Variants in STK3 observed in about 807,000 individuals in gnomAD.
The protein encoded by STK3 is serine/threonine kinase 3.
STK3 carries 41 observed loss-of-function variants against 58.0 expected under a neutral mutation model. The ratio of observed to expected loss-of-function variants is 0.71; its 90% CI spans 0.55 to 0.92. STK3 has a LOEUF of 0.92. Ranked by LOEUF, STK3 falls within the 40% of genes least tolerant of loss-of-function variation. STK3 has a pLI of 0.00. For synonymous variants in STK3, 170 were observed against 191.0 expected (o/e 0.89, Z 0.91); for missense variants, 479 against 602.7 (o/e 0.79, Z 2.15).
Position 98,702,682 on chromosome 8 carries a change from C to G in STK3, c.684+3785G>C, listed in dbSNP as rs375506277. ...GGCAGCACCACTGTTCTGGAGTGTT[C>G]CTAATTATATACAGCTAGTGGGCAG... On this transcript the variant is annotated intron_variant, in intron 6 of 10. Coordinates refer to ENST00000419617, the MANE Select transcript of STK3 (RefSeq NM_006281.4). Among the ~76,000 whole-genome samples, 3 of 152,246 alleles carry G rather than the reference C, an allele frequency of 2.0e-5. No individual in the cohort carries two copies. In the East Asian group the frequency reaches 5.8e-4, roughly 29 times the overall value.
intron 7 of STK3, among the ~76,000 whole-genome samples, chr8:98,587,667 C>T (rs1158228524): frequency 6.6e-6 from 1 of 152,110 alleles, no homozygotes; most frequent in Admixed American, 6.5e-5. Context: ...GACTTTCTGT[C>T]TCGTTGATCT....
chr8:98,399,047 T>G (rs1363977536), downstream of STK3, among the ~76,000 whole-genome samples: 2 of 152,202 alleles, frequency 1.3e-5, no homozygotes, highest in African/African-American at 4.8e-5. Flanking sequence ...AATCCAGACC[T>G]CGTCTAATGC....
intron 4 of STK3, among the ~76,000 whole-genome samples, chr8:98,746,956 C>T (rs1170004408): frequency 3.3e-5 from 5 of 152,102 alleles, no homozygotes; most frequent in South Asian, 2.1e-4. Flanking sequence ...GCTGGAGGAT[C>T]GCTTGAGCCC....
chr8:98,471,972 A>G (rs1820957409), intron 10 of STK3, among the ~76,000 whole-genome samples: 1 of 152,236 alleles, frequency 6.6e-6, no homozygotes, highest in Non-Finnish European at 1.5e-5. Context: ...ATTCTTATAT[A>G]GAGAGATTCA....
intron 1 of STK3, among the ~76,000 whole-genome samples, chr8:98,893,677 C>T (rs1163202660): frequency 6.6e-6 from 1 of 151,992 alleles, no homozygotes; most frequent in African/African-American, 2.4e-5. Context: ...TGATTTCATC[C>T]CCAAGGTTAC....
rs10955176 is a variant in STK3, at chr8:98,455,628, C to T, written c.*214G>A. The T allele has an allele frequency of 0.41, 232,225 of 572,570 alleles. 48,288 individuals are homozygous for T. Among genetic ancestry groups the T allele is most frequent in the Admixed American group, 0.54 (16,658 of 30,954 alleles). 35.5% of individuals were successfully genotyped at this position (572,570 alleles called of 1,614,324 possible). ...GCAGCTGACAGAACAAGAGAATACA[C>T]TTCTTTTGTTCTCCTCATCTTAGAG... On this transcript the variant is annotated 3_prime_UTR_variant, in exon 11 of 11. Coordinates refer to ENST00000419617, the MANE Select transcript of STK3 (RefSeq NM_006281.4).
At chr8:98,489,223 G>C (rs1253234462) in intron 10 of STK3, among the ~76,000 whole-genome samples, 1 of 151,250 alleles carries the variant, frequency 6.6e-6, no homozygotes, top group African/African-American at 2.4e-5. Context: ...CATGGAACTA[G>C]AGTTAAAAAA....
intron 3 of STK3, among the ~76,000 whole-genome samples, chr8:98,418,378 T>C (rs1818135769): frequency 6.6e-6 from 1 of 152,130 alleles, no homozygotes; most frequent in Non-Finnish European, 1.5e-5. Context: ...AGCTGGAGAA[T>C]CTTTCAGAAA....
Position 98,703,014 on chromosome 8 carries a change from T to C in STK3, c.684+3453A>G, listed in dbSNP as rs188515698. 4.9e-4 allele frequency among the ~76,000 whole-genome samples: 74 copies of C among 152,334 alleles called. No homozygotes were observed. The East Asian group carries it at 0.013, about 26-fold the overall frequency. On this transcript the variant is annotated intron_variant, in intron 6 of 10. Coordinates refer to ENST00000419617, the MANE Select transcript of STK3 (RefSeq NM_006281.4). Reference sequence around the variant, plus strand: ...CTCATTGTGGCAACTTTGTAGATTATTGATTACCTCATTAGCCTATATGTC... The same window carrying C: ...CTCATTGTGGCAACTTTGTAGATTACTGATTACCTCATTAGCCTATATGTC...
Position 98,936,621 on chromosome 8 carries a change from G to C in STK3, c.-79+5757C>G, listed in dbSNP as rs1019207177. Among the ~76,000 whole-genome samples, 3 of 152,242 alleles carry C rather than the reference G, an allele frequency of 2.0e-5. No individual in the cohort carries two copies. The South Asian group carries it at 6.2e-4, about 32-fold the overall frequency. On this transcript the variant is annotated intron_variant, in intron 1 of 1. Coordinates refer to the STK3 transcript ENST00000519420. ...AGAATGTGGTCAATGATGAGACAGA[G>C]GGGGAGCAGGACTAGTGAACACACC... is the stretch of plus-strand genomic sequence containing the variant.
At chr8:98,731,112 G>A (rs1481343437) in intron 4 of STK3, among the ~76,000 whole-genome samples, 3 of 152,126 alleles carry the variant, frequency 2.0e-5, no homozygotes, top group Non-Finnish European at 4.4e-5. Flanking sequence ...GAGTATGATA[G>A]CATATAGAGT....
chr8:98,844,477 T>G (rs527759106), intron 3 of STK3, among the ~76,000 whole-genome samples: 23 of 151,964 alleles, frequency 1.5e-4, no homozygotes, highest in Admixed American at 1.2e-3. Flanking sequence ...GTGTTTTTGT[T>G]TTTTTTGAGA....
intron 2 of STK3, among the ~76,000 whole-genome samples, chr8:98,373,235 T>C (rs1817629712): frequency 6.6e-6 from 1 of 152,188 alleles, no homozygotes; most frequent in Non-Finnish European, 1.5e-5. Flanking sequence ...TCAGTGCCCT[T>C]AACATCTCCT....
intron 6 of STK3, among the ~76,000 whole-genome samples, chr8:98,635,415 A>G (rs1279730312): frequency 6.6e-6 from 1 of 152,176 alleles, no homozygotes; most frequent in Non-Finnish European, 1.5e-5. Context: ...ATATGAGAAA[A>G]CTGAGGGATA....
chr8:98,828,459 A>C (rs1835404396), upstream of STK3, among the ~76,000 whole-genome samples: 1 of 150,868 alleles, frequency 6.6e-6, no homozygotes, highest in East Asian at 1.9e-4. Context: ...AAAAAAAAAA[A>C]AAAAAACAAA....
intron 10 of STK3, among the ~76,000 whole-genome samples, chr8:98,467,146 C>T (rs895312345): frequency 6.6e-6 from 1 of 152,092 alleles, no homozygotes; most frequent in Non-Finnish European, 1.5e-5. Context: ...ACCAGGTAAC[C>T]GTATCCCTTT....
intron 6 of STK3, among the ~76,000 whole-genome samples, chr8:98,629,979 C>CT (rs1819056315): frequency 6.6e-6 from 1 of 152,148 alleles, no homozygotes; most frequent in Admixed American, 6.5e-5. Context: ...GGGGGCTGCT[C>CT]TTATATGTGA....
rs1822815031 is a variant in STK3, at chr8:98,671,327, C to A, written c.684+35140G>T. ...CTGAATCCATCTGAGGGGGAAAAAA[C>A]CCATTTCCATGGTAAGGAACAAAGC... On this transcript the variant is annotated intron_variant, in intron 6 of 10. Transcript: ENST00000419617. Among the ~76,000 whole-genome samples, 3 of 152,128 alleles carry A rather than the reference C, an allele frequency of 2.0e-5. No individual in the cohort carries two copies. In the South Asian group the frequency reaches 6.2e-4, roughly 32 times the overall value.
intron 9 of STK3, among the ~76,000 whole-genome samples, chr8:98,544,139 T>C (rs1473602396): frequency 6.6e-6 from 1 of 151,844 alleles, no homozygotes; most frequent in East Asian, 1.9e-4. Context: ...CTAAGCTGGA[T>C]ATAGAAGTGA....
Sources: allele counts gnomAD v4.1 joint callset (sites outside exome capture counted in the v4.1 genomes callset), GRCh38; gene constraint gnomAD v4.1.1; transcripts MANE v1.5; gene names NCBI Gene and HGNC (gene_info 2026-07-23, HGNC 2026-07-21).